Variants in ATXN1 observed in about 807,000 individuals in gnomAD.
The protein encoded by ATXN1 is ataxin 1.
Under a neutral mutation model 56.4 loss-of-function variants are expected in ATXN1, and 8 were observed. That is an observed-to-expected ratio of 0.14 (90% CI 0.08 to 0.26). ATXN1 has a LOEUF of 0.26. Ranked by LOEUF, ATXN1 falls within the 10% of genes least tolerant of loss-of-function variation. ATXN1 has a pLI of 1.00. For missense variants in ATXN1, 987 were observed against 1,106.5 expected (o/e 0.89, Z 1.53); for synonymous variants, 514 against 494.6 (o/e 1.04, Z -0.52).
chr6:16,644,563 GGTGTGT>G (rs113345902), intron 3 of ATXN1, among the ~76,000 whole-genome samples: 18 of 142,902 alleles, frequency 1.3e-4, no homozygotes, highest in South Asian at 4.3e-4. Context: ...TAAATTTTAT[GGTGTGT>G]GTGTGTGTGT....
rs116777003 is a variant in ATXN1 at position 16,704,226 on chromosome 6, A to C, written c.-614-46325T>G. Among the ~76,000 whole-genome samples the C allele has an allele frequency of 7.4e-3, 1,127 of 152,330 alleles. 11 individuals carry two copies. Among genetic ancestry groups the C allele is most frequent in the African/African-American group, 0.026 (1,077 of 41,570 alleles). ...TCATTTCCTATCTAATTTGGTCTCC[A>C]GAGCCTGCTAAGTACAGTTTCCATT... On this transcript the variant is annotated intron_variant, in intron 2 of 7. Transcript: ENST00000436367.
chr6:16,317,518 T>G (rs1760539294), intron 7 of ATXN1, among the ~76,000 whole-genome samples: 1 of 152,010 alleles, frequency 6.6e-6, no homozygotes, highest in Admixed American at 6.6e-5. Flanking sequence ...AGAGACGGGT[T>G]TTCACCATGT....
At chr6:16,657,543 C>A (rs146900457) in intron 3 of ATXN1, among the ~76,000 whole-genome samples, 50 of 152,296 alleles carry the variant, frequency 3.3e-4, no homozygotes, top group African/African-American at 1.1e-3. Flanking sequence ...TTTCTAACCA[C>A]AAATACATTC....
chr6:16,405,501 C>G (rs1758667534), intron 6 of ATXN1, among the ~76,000 whole-genome samples: 1 of 152,222 alleles, frequency 6.6e-6, no homozygotes, highest in Non-Finnish European at 1.5e-5. Context: ...ATTCAAAATG[C>G]TCTCAGGGAG....
intron 6 of ATXN1, among the ~76,000 whole-genome samples, chr6:16,400,967 T>G (rs1051211122): frequency 4.6e-5 from 7 of 152,354 alleles, no homozygotes; most frequent in Admixed American, 4.6e-4. Flanking sequence ...ATATTAAATT[T>G]CTAGGACTTA....
chr6:16,496,585 A>G (rs528039756), intron 5 of ATXN1, among the ~76,000 whole-genome samples: 14 of 152,152 alleles, frequency 9.2e-5, no homozygotes, highest in Admixed American at 3.9e-4. Flanking sequence ...CACTTGCTGC[A>G]ATTTCAATGC....
At chr6:16,672,464 C>T (rs1408782052) in intron 2 of ATXN1, among the ~76,000 whole-genome samples, 1 of 152,108 alleles carries the variant, frequency 6.6e-6, no homozygotes, top group Non-Finnish European at 1.5e-5. Context: ...TCAAACATAC[C>T]CACGTCCTAA....
chr6:16,344,019 A>C (rs1761318320), intron 6 of ATXN1, among the ~76,000 whole-genome samples: 1 of 152,080 alleles, frequency 6.6e-6, no homozygotes, highest in Non-Finnish European at 1.5e-5. Flanking sequence ...CATCACATTC[A>C]CCCGGAGTTC....
chr6:16,638,893 T>C (rs763475035), intron 3 of ATXN1, among the ~76,000 whole-genome samples: 8 of 152,222 alleles, frequency 5.3e-5, no homozygotes, highest in African/African-American at 1.9e-4. Flanking sequence ...ATAGTGCAGC[T>C]AGTCGGTGGC....
At chr6:16,392,527 G>T (rs1758376456) in intron 6 of ATXN1, among the ~76,000 whole-genome samples, 1 of 149,770 alleles carries the variant, frequency 6.7e-6, no homozygotes, top group Admixed American at 6.7e-5. Context: ...ATGGAGTTTT[G>T]CTCTATAGCC....
intron 3 of ATXN1, among the ~76,000 whole-genome samples, chr6:16,595,592 AAC>A (rs1762799814): frequency 6.6e-6 from 1 of 152,272 alleles, no homozygotes; most frequent in South Asian, 2.1e-4. Context: ...CAGTCTGTGA[AAC>A]ACAGTCAGTG....
intron 6 of ATXN1, among the ~76,000 whole-genome samples, chr6:16,473,818 C>T (rs897579703): frequency 1.3e-5 from 2 of 152,202 alleles, no homozygotes; most frequent in African/African-American, 4.8e-5. Flanking sequence ...TCTGAAAGTA[C>T]ACGTCAGCTT....
At chr6:16,583,337 A>G (rs192123954) in intron 4 of ATXN1, among the ~76,000 whole-genome samples, 21 of 152,320 alleles carry the variant, frequency 1.4e-4, no homozygotes, top group African/African-American at 5.1e-4. Flanking sequence ...TTCATGCCAA[A>G]TGATTCTTTG....
At chr6:16,350,812 G>T (rs1434442662) in intron 6 of ATXN1, among the ~76,000 whole-genome samples, 5 of 152,166 alleles carry the variant, frequency 3.3e-5, no homozygotes, top group Non-Finnish European at 7.4e-5. Context: ...GCTGGGTGTG[G>T]TGGCTCACAC....
intron 4 of ATXN1, among the ~76,000 whole-genome samples, chr6:16,583,615 T>C (rs1762566578): frequency 6.6e-6 from 1 of 152,208 alleles, no homozygotes; most frequent in Non-Finnish European, 1.5e-5. Flanking sequence ...AGGCACTTGC[T>C]GTACCACAGG....
intron 5 of ATXN1, among the ~76,000 whole-genome samples, chr6:16,493,073 C>A (rs1760701568): frequency 6.6e-6 from 1 of 152,170 alleles, no homozygotes; most frequent in Admixed American, 6.5e-5. Flanking sequence ...CATTGGTCTT[C>A]TTGTCAATGC....
chr6:16,540,604 A>C (rs769053278), intron 4 of ATXN1, among the ~76,000 whole-genome samples: 2 of 152,176 alleles, frequency 1.3e-5, no homozygotes, highest in Non-Finnish European at 2.9e-5. Context: ...GGGTAGGTAA[A>C]GTGCCTGAAG....
At chr6:16,718,454 C>T (rs1464531583) in intron 2 of ATXN1, among the ~76,000 whole-genome samples, 3 of 152,206 alleles carry the variant, frequency 2.0e-5, no homozygotes, top group Non-Finnish European at 2.9e-5. Context: ...ATTCATTTTT[C>T]TCCTTCTGTT....
At chr6:16,624,338 C>T (rs1241844374) in intron 3 of ATXN1, among the ~76,000 whole-genome samples, 7 of 124,212 alleles carry the variant, frequency 5.6e-5, no homozygotes, top group South Asian at 2.4e-4. Flanking sequence ...GGGATGAGAG[C>T]GAGACTTTGT....
Sources: allele counts gnomAD v4.1 joint callset (sites outside exome capture counted in the v4.1 genomes callset), GRCh38; gene constraint gnomAD v4.1.1; transcripts MANE v1.5; gene names NCBI Gene and HGNC (gene_info 2026-07-23, HGNC 2026-07-21).